Variants in PTPRS observed in about 807,000 individuals in gnomAD.
PTPRS encodes protein tyrosine phosphatase receptor type S, also known as receptor-type tyrosine-protein phosphatase S.
PTPRS carries 63 observed loss-of-function variants against 215.3 expected under a neutral mutation model. That is an observed-to-expected ratio of 0.29 (90% CI 0.24 to 0.36). The LOEUF (loss-of-function observed/expected upper bound fraction) is 0.36. PTPRS is among the 10% of genes least tolerant of loss of function. The pLI is 1.00. For missense variants in PTPRS, 2,258 were observed against 2,825.8 expected (o/e 0.80, Z 4.56); for synonymous variants, 1,404 against 1,191.4 (o/e 1.18, Z -3.68).
chr19:5,308,053 A>G (rs188279929), intron 1 of PTPRS, among the ~76,000 whole-genome samples: 1 of 152,146 alleles, frequency 6.6e-6, no homozygotes, highest in African/African-American at 2.4e-5. Flanking sequence ...GGAAAGAGAG[A>G]GGGGAGAGGA....
In PTPRS at chr19:5,291,300, C is replaced by T. The variant is rs186321359; in HGVS notation, c.-94-5066G>A. Among the ~76,000 whole-genome samples, 788 of 152,142 alleles carry T rather than the reference C, an allele frequency of 5.2e-3. 7 individuals carry two copies. Among genetic ancestry groups the T allele is most frequent in the African/African-American group, 0.017 (716 of 41,506 alleles). On this transcript the variant is annotated intron_variant, in intron 1 of 37. Coordinates refer to ENST00000262963, the MANE Select transcript of PTPRS (RefSeq NM_002850.4). ...GTTCTCTGTGTTTTCTGCTGTTTAA[C>T]GGATTAGGAAACCGAGGCTCACCAA... is the stretch of plus-strand genomic sequence containing the variant.
rs776827528 is a variant in PTPRS at position 5,309,310 on chromosome 19, C to T, written c.-94-23076G>A. ...AATTAGACCTCCCTTCCTGTCCTAA[C>T]CTCTAGCCCCATCCAGCCCCAAGTG... On this transcript the variant is annotated intron_variant, in intron 1 of 37. Coordinates refer to ENST00000262963, the MANE Select transcript of PTPRS (RefSeq NM_002850.4). Among the ~76,000 whole-genome samples, 104 of 152,216 alleles carry T rather than the reference C, an allele frequency of 6.8e-4. 1 individual carries two copies. The highest frequency in any genetic ancestry group is 1.5e-4 in the Non-Finnish European group (10 of 68,028).
chr19:5,256,144 T>A (rs1428501780), intron 8 of PTPRS, 25 bp from the exon 9 acceptor site: 1 of 1,515,462 alleles, frequency 6.6e-7, no homozygotes, highest in Non-Finnish European at 9.1e-7. Flanking sequence ...GGGGGTTTGA[T>A]GCAGAACACA....
rs1237409017 is a variant in PTPRS, at chr19:5,293,432, C to A, written c.-94-7198G>T. 3.3e-5 allele frequency among the ~76,000 whole-genome samples: 5 copies of A among 151,620 alleles called. No homozygotes were observed. The highest frequency in any genetic ancestry group is 1.2e-4 in the African/African-American group (5 of 41,280). On this transcript the variant is annotated intron_variant, in intron 1 of 37. Transcript: ENST00000262963. The surrounding 1 kb of genome is among the most constrained non-coding windows in gnomAD (Gnocchi z 8.4). ...CAGAGGGGAGCCCCATCTGGAGGCGCGGAGAGCCTCCGCAGGAGTCCATGA... is the reference window on the plus strand; with the variant it reads ...CAGAGGGGAGCCCCATCTGGAGGCGAGGAGAGCCTCCGCAGGAGTCCATGA...
chr19:5,211,806 G>A (rs756799410), intron 32 of PTPRS, 38 bp from the exon 33 acceptor site: 12 of 1,603,878 alleles, frequency 7.5e-6, no homozygotes, highest in Non-Finnish European at 1.0e-5. Flanking sequence ...CCATCAGGAT[G>A]AGGAAGGCTA....
At chr19:5,329,815 G>A (rs772761069) in intron 1 of PTPRS, among the ~76,000 whole-genome samples, 3 of 151,238 alleles carry the variant, frequency 2.0e-5, no homozygotes, top group East Asian at 2.0e-4. Context: ...GGTGGCTCAC[G>A]CCTGGGATCC....
chr19:5,262,179 G>A lies in PTPRS; in HGVS notation c.577+785C>T, dbSNP rs529983955. 3.7e-4 allele frequency among the ~76,000 whole-genome samples: 56 copies of A among 152,288 alleles called. 1 individual carries two copies. The highest frequency in any genetic ancestry group is 1.2e-3 in the African/African-American group (50 of 41,572). ...AATCCCTGCTACTCAGGAGACTGAGGCAGGAGAATTGCTTGAATCGGGGAC... is the reference window on the plus strand; with the variant it reads ...AATCCCTGCTACTCAGGAGACTGAGACAGGAGAATTGCTTGAATCGGGGAC... On this transcript the variant is annotated intron_variant, in intron 6 of 37. Coordinates refer to ENST00000262963, the MANE Select transcript of PTPRS (RefSeq NM_002850.4).
chr19:5,306,279 G>A lies in PTPRS; in HGVS notation c.-94-20045C>T, dbSNP rs1047725624. On this transcript the variant is annotated intron_variant, in intron 1 of 37. Coordinates refer to ENST00000262963, the MANE Select transcript of PTPRS (RefSeq NM_002850.4). ...CCTGCCTCAGCCTCCCGAGTAGCTG[G>A]GATCACAGGCGTGCGCCACCACGCC... is the stretch of plus-strand genomic sequence containing the variant. Among the ~76,000 whole-genome samples, 29 of 151,918 alleles carry A rather than the reference G, an allele frequency of 1.9e-4. No individual in the cohort carries two copies. The East Asian group carries it at 5.3e-3, about 28-fold the overall frequency.
At chr19:5,286,377 A>C in intron 1 of PTPRS, 143 bp from the exon 2 acceptor site, 1 of 541,166 alleles carries the variant, frequency 1.8e-6, no homozygotes. Flanking sequence ...TCATGGGGTG[A>C]TGGGATGGAA....
At chr19:5,336,941 C>T (rs1050132811) in intron 1 of PTPRS, among the ~76,000 whole-genome samples, 2 of 152,122 alleles carry the variant, frequency 1.3e-5, no homozygotes, top group Non-Finnish European at 2.9e-5. Flanking sequence ...TAAGAGGACA[C>T]CCACCCATTG....
intron 26 of PTPRS, 77 bp downstream of exon 26, chr19:5,216,643 G>C (rs1042843090): frequency 5.7e-6 from 7 of 1,225,978 alleles, no homozygotes; most frequent in Non-Finnish European, 7.0e-6. Context: ...AGAGACAGGA[G>C]ACACGATGGA....
At chr19:5,214,863 G>T in intron 28 of PTPRS, 127 bp from the exon 29 acceptor site, 6 of 989,594 alleles carry the variant, frequency 6.1e-6, no homozygotes, top group Non-Finnish European at 8.7e-6. Flanking sequence ...ACCATGGGAC[G>T]TGTACTTCAC....
intron 7 of PTPRS, among the ~76,000 whole-genome samples, chr19:5,259,363 C>T (rs2045812371): frequency 6.6e-6 from 1 of 152,172 alleles, no homozygotes; most frequent in South Asian, 2.1e-4. Context: ...AGGCCTTGAT[C>T]AAACACTACT....
At chr19:5,285,008 A>G (rs1298024496) in intron 2 of PTPRS, among the ~76,000 whole-genome samples, 2 of 152,208 alleles carry the variant, frequency 1.3e-5, no homozygotes, top group Non-Finnish European at 1.5e-5. Flanking sequence ...CAAATGAATG[A>G]GGCAGGGGTG....
Position 5,223,304 on chromosome 19 carries a change from G to T in PTPRS, c.2495-7C>A, listed in dbSNP as rs564081492. ...AGGGTTGGGCGGCCCAGCACTGCGG[G>T]GATACGGGGCAGGTGTCAGGGTCCC... On this transcript the variant is annotated splice_region_variant and splice_polypyrimidine_tract_variant and intron_variant, in intron 17 of 37. Coordinates refer to ENST00000262963, the MANE Select transcript of PTPRS (RefSeq NM_002850.4). The T allele has an allele frequency of 1.4e-6, 2 of 1,450,474 alleles. No homozygotes were observed. Among genetic ancestry groups the T allele is most frequent in the East Asian group, 2.6e-5 (1 of 38,646 alleles). 89.9% of individuals were successfully genotyped at this position (1,450,474 alleles called of 1,614,324 possible).
chr19:5,207,870 G>A (rs1290171156), intron 37 of PTPRS, 52 bp downstream of exon 37: 3 of 1,597,618 alleles, frequency 1.9e-6, no homozygotes, highest in Non-Finnish European at 2.6e-6. Flanking sequence ...TGGAGCTTAG[G>A]GGCAGTCGGG....
chr19:5,288,523 C>T (rs2048549623), intron 1 of PTPRS, among the ~76,000 whole-genome samples: 1 of 152,186 alleles, frequency 6.6e-6, no homozygotes, highest in African/African-American at 2.4e-5. Flanking sequence ...GCGGTGGCCC[C>T]AGATGGAGAA....
chr19:5,338,134 C>A lies in PTPRS; in HGVS notation c.-95+2530G>T, dbSNP rs1018130231. On this transcript the variant is annotated intron_variant, in intron 1 of 37. Transcript: ENST00000262963. The surrounding 1 kb of genome is among the most constrained non-coding windows in gnomAD (Gnocchi z 4.2). ...GAGTGGGGAGCGGGCCAGTCCACCG[C>A]CTCTTGGGACGGCATCTCTGGACGG... Among the ~76,000 whole-genome samples, 5 of 152,208 alleles carry A rather than the reference C, an allele frequency of 3.3e-5. No homozygotes were observed. The highest frequency in any genetic ancestry group is 2.1e-4 in the South Asian group (1 of 4,832).
chr19:5,271,696 C>T (rs538440253), intron 4 of PTPRS, among the ~76,000 whole-genome samples: 11 of 151,298 alleles, frequency 7.3e-5, no homozygotes, highest in Admixed American at 2.0e-4. Context: ...CCGCGCCCAG[C>T]CATTTCATTT....
Sources: allele counts gnomAD v4.1 joint callset (sites outside exome capture counted in the v4.1 genomes callset), GRCh38; gene constraint gnomAD v4.1.1; non-coding constraint Gnocchi (gnomAD v3.1); transcripts MANE v1.5; gene names NCBI Gene and HGNC (gene_info 2026-07-23, HGNC 2026-07-21).